The following CFAP44 variants were observed in gnomAD, a reference collection of about 807,000 sequenced individuals.
The protein encoded by CFAP44 is cilia and flagella associated protein 44, also known as cilia- and flagella-associated protein 44.
Under a neutral mutation model 216.2 loss-of-function variants are expected in CFAP44, and 134 were observed. That is an observed-to-expected ratio of 0.62 (90% CI 0.54 to 0.72). The LOEUF is 0.72. CFAP44 is among the 30% of genes least tolerant of loss of function. CFAP44 has a pLI of 0.00. For missense variants in CFAP44, 2,035 were observed against 2,182.1 expected (o/e 0.93, Z 1.34); for synonymous variants, 700 against 727.6 (o/e 0.96, Z 0.61).
intron 18 of CFAP44, among the ~76,000 whole-genome samples, chr3:113,367,826 A>T (rs1052023907): frequency 6.6e-6 from 1 of 152,054 alleles, no homozygotes; most frequent in Non-Finnish European, 1.5e-5. Context: ...ATTGCAAAGA[A>T]GCTAAAAACC....
chr3:113,367,060 G>A (rs1204353276), intron 18 of CFAP44, among the ~76,000 whole-genome samples: 1 of 151,788 alleles, frequency 6.6e-6, no homozygotes, highest in Non-Finnish European at 1.5e-5. Context: ...CGGTTGGGAA[G>A]CTCTAACTGG....
intron 32 of CFAP44, 110 bp from the exon 33 acceptor site, chr3:113,296,995 T>A (rs898598217): frequency 1.6e-6 from 2 of 1,251,944 alleles, no homozygotes; most frequent in Non-Finnish European, 1.1e-6. Flanking sequence ...TGATGAAAGA[T>A]TTTATGCCAT....
chr3:113,375,151 A>AAGCAG (rs200463114), intron 17 of CFAP44, among the ~76,000 whole-genome samples: 5 of 103,254 alleles, frequency 4.8e-5, no homozygotes, highest in Non-Finnish European at 7.3e-5. Flanking sequence ...ATAAGAAAGA[A>AAGCAG]AGTATGGTTG....
intron 18 of CFAP44, among the ~76,000 whole-genome samples, chr3:113,371,640 T>C (rs1021955254): frequency 8.5e-5 from 13 of 152,170 alleles, no homozygotes; most frequent in Non-Finnish European, 1.6e-4. Flanking sequence ...GAAGAAAACC[T>C]AGGCAATACC....
At chr3:113,429,582 G>T (rs1935049570) in intron 2 of CFAP44, among the ~76,000 whole-genome samples, 1 of 151,874 alleles carries the variant, frequency 6.6e-6, no homozygotes, top group Non-Finnish European at 1.5e-5. Flanking sequence ...GATAATCTCT[G>T]CCTTTTTATA....
intron 26 of CFAP44, among the ~76,000 whole-genome samples, chr3:113,328,460 C>T (rs1950207995): frequency 6.6e-6 from 1 of 150,770 alleles, no homozygotes. Context: ...CAGCTTTCCC[C>T]CCCAGTATCA....
chr3:113,369,790 C>T (rs990229938), intron 18 of CFAP44, among the ~76,000 whole-genome samples: 1 of 152,050 alleles, frequency 6.6e-6, no homozygotes, highest in Non-Finnish European at 1.5e-5. Context: ...AATCCAGGAG[C>T]TGGTTTTCTG....
rs1449186931 is a variant in CFAP44, at chr3:113,291,404, G to A, written c.*153C>T. The A allele has an allele frequency of 2.3e-6, 2 of 859,350 alleles. No homozygotes were observed. The highest frequency in any genetic ancestry group is 3.5e-6 in the Non-Finnish European group (2 of 573,496). The allele number at this position is 859,350 out of a possible 1,614,324, so 53.2% of individuals were successfully genotyped here. On this transcript the variant is annotated 3_prime_UTR_variant, in exon 35 of 35. Coordinates refer to ENST00000393845, the MANE Select transcript of CFAP44 (RefSeq NM_001164496.2). Reference sequence around the variant, plus strand: ...AGTTCTAAGATAACCAAATTGTAGAGAGATTCTTAAAGTGACTTAACGTGA... The same window carrying A: ...AGTTCTAAGATAACCAAATTGTAGAAAGATTCTTAAAGTGACTTAACGTGA...
At chr3:113,439,542 T>C (rs1460199841) in intron 1 of CFAP44, among the ~76,000 whole-genome samples, 1 of 152,232 alleles carries the variant, frequency 6.6e-6, no homozygotes, top group Non-Finnish European at 1.5e-5. Flanking sequence ...TGTTTTCCTT[T>C]ACCTCCCTAA....
intron 4 of CFAP44, among the ~76,000 whole-genome samples, chr3:113,423,382 C>A (rs1934873192): frequency 6.6e-6 from 1 of 152,110 alleles, no homozygotes. Flanking sequence ...CTCAAGTGAT[C>A]TGCCTGCCAA....
At chr3:113,430,065 C>T (rs986812384) in intron 2 of CFAP44, among the ~76,000 whole-genome samples, 1 of 151,956 alleles carries the variant, frequency 6.6e-6, no homozygotes, top group African/African-American at 2.4e-5. Flanking sequence ...AGATCACTTG[C>T]TGGGACATAA....
chr3:113,441,505 C>A (rs1419939569), upstream of CFAP44: 2 of 985,296 alleles, frequency 2.0e-6, no homozygotes, highest in Non-Finnish European at 2.4e-6. Flanking sequence ...CCGGAGGCCT[C>A]CGTTTACTCC....
intron 18 of CFAP44, among the ~76,000 whole-genome samples, chr3:113,366,778 C>T (rs963079239): frequency 3.9e-5 from 6 of 152,194 alleles, no homozygotes; most frequent in African/African-American, 1.2e-4. Flanking sequence ...CTGGGAAGCG[C>T]AAGGGGTCAG....
chr3:113,408,188 G>T (rs1252879283), intron 7 of CFAP44, among the ~76,000 whole-genome samples: 1 of 152,184 alleles, frequency 6.6e-6, no homozygotes, highest in East Asian at 1.9e-4. Flanking sequence ...TGATAATCAA[G>T]TTATGGGAAG....
intron 22 of CFAP44, 80 bp from the exon 23 acceptor site, chr3:113,344,792 C>T (rs1042083517): frequency 2.4e-5 from 29 of 1,206,570 alleles, no homozygotes; most frequent in African/African-American, 3.1e-5. Flanking sequence ...AATAAAACTA[C>T]AATACACTAT....
intron 15 of CFAP44, among the ~76,000 whole-genome samples, chr3:113,381,763 T>C (rs1339950120): frequency 6.6e-6 from 1 of 152,244 alleles, no homozygotes; most frequent in Non-Finnish European, 1.5e-5. Flanking sequence ...ATTTGTTGTG[T>C]ACCTACTATG....
intron 21 of CFAP44, 168 bp downstream of exon 21, chr3:113,362,977 C>A (rs1348377136): frequency 7.3e-6 from 10 of 1,371,378 alleles, no homozygotes; most frequent in African/African-American, 4.5e-5. Context: ...AAGGGATAAA[C>A]CCCACATACA....
chr3:113,357,481 T>A (rs1322143001), intron 22 of CFAP44, among the ~76,000 whole-genome samples: 1 of 152,064 alleles, frequency 6.6e-6, no homozygotes, highest in Non-Finnish European at 1.5e-5. Flanking sequence ...GAGAGATGGA[T>A]TCATCAGCCA....
chr3:113,299,282 C>A (rs553253812), intron 32 of CFAP44, among the ~76,000 whole-genome samples: 81 of 152,218 alleles, frequency 5.3e-4, no homozygotes, highest in African/African-American at 1.9e-3. Context: ...TAAAAGAAGA[C>A]ATACAAATGG....
Sources: gnomAD v4.1 joint callset for allele counts (sites outside exome capture counted in the v4.1 genomes callset) on GRCh38, gnomAD v4.1.1 for gene constraint, MANE v1.5 for transcripts, NCBI Gene and HGNC (gene_info 2026-07-23, HGNC 2026-07-21) for gene names.